The following MDGA2 variants were observed in gnomAD, a reference collection of about 807,000 sequenced individuals.
MDGA2 encodes the protein MAM domain-containing glycosylphosphatidylinositol anchor protein 2.
In MDGA2, 40 loss-of-function variants were observed where a neutral mutation model predicts 117.8. The observed-to-expected ratio is 0.34, with a 90% CI of 0.26 to 0.44. The LOEUF is 0.44. Ranked by LOEUF, MDGA2 falls within the 20% of genes least tolerant of loss-of-function variation. The pLI is 1.00. For missense variants in MDGA2, 1,123 were observed against 1,250.6 expected (o/e 0.90, Z 1.54); for synonymous variants, 452 against 439.0 (o/e 1.03, Z -0.37).
At chr14:47,221,352 T>C (rs2139524920) in intron 2 of MDGA2, among the ~76,000 whole-genome samples, 1 of 152,094 alleles carries the variant, frequency 6.6e-6, no homozygotes, top group South Asian at 2.1e-4. Flanking sequence ...AAATGTCAAT[T>C]AAAGTATCAC....
intron 1 of MDGA2, among the ~76,000 whole-genome samples, chr14:47,313,885 T>C (rs1438083476): frequency 6.6e-6 from 1 of 152,118 alleles, no homozygotes; most frequent in South Asian, 2.1e-4. Context: ...AAAAAATTAC[T>C]GTAAGACGAC....
intron 6 of MDGA2, among the ~76,000 whole-genome samples, chr14:47,065,798 G>T (rs969113800): frequency 6.6e-5 from 10 of 152,146 alleles, no homozygotes; most frequent in African/African-American, 2.4e-4. Context: ...TCAGAAGAAT[G>T]TAAGATACAG....
intron 4 of MDGA2, among the ~76,000 whole-genome samples, chr14:47,139,303 T>C (rs1882601168): frequency 6.6e-6 from 1 of 152,122 alleles, no homozygotes; most frequent in African/African-American, 2.4e-5. Context: ...CAGATACTCT[T>C]TGGAGACATT....
chr14:47,304,094 G>C (rs1889366143), intron 1 of MDGA2, among the ~76,000 whole-genome samples: 1 of 152,064 alleles, frequency 6.6e-6, no homozygotes, highest in African/African-American at 2.4e-5. Flanking sequence ...TTTTAAGTGT[G>C]GAAGTTGTCT....
At chr14:46,929,599 G>GTATATATA (rs1332389893) in intron 9 of MDGA2, among the ~76,000 whole-genome samples, 8 of 15,254 alleles carry the variant, frequency 5.2e-4, no homozygotes, top group East Asian at 1.4e-3. Context: ...GTGTGTGTGT[G>GTATATATA]TGTATATATA....
At chr14:47,526,506 C>G (rs1436459976) in intron 1 of MDGA2, among the ~76,000 whole-genome samples, 1 of 152,128 alleles carries the variant, frequency 6.6e-6, no homozygotes, top group African/African-American at 2.4e-5. Flanking sequence ...GACCACTCCA[C>G]TTTCCTAGGC....
intron 1 of MDGA2, among the ~76,000 whole-genome samples, chr14:47,305,698 G>T (rs901139186): frequency 4.6e-5 from 7 of 152,120 alleles, no homozygotes; most frequent in African/African-American, 1.7e-4. Context: ...CTGTGCTGGG[G>T]ATATGATGAT....
chr14:47,025,636 G>C (rs1026643601), intron 8 of MDGA2, among the ~76,000 whole-genome samples: 1 of 150,576 alleles, frequency 6.6e-6, no homozygotes, highest in South Asian at 2.1e-4. Flanking sequence ...CATATTACTG[G>C]AATCTAAAGA....
intron 5 of MDGA2, among the ~76,000 whole-genome samples, chr14:47,107,379 T>C (rs980447024): frequency 2.0e-5 from 3 of 152,122 alleles, no homozygotes; most frequent in Non-Finnish European, 2.9e-5. Context: ...CAAACCCATA[T>C]ACTCTCCTAT....
intron 1 of MDGA2, among the ~76,000 whole-genome samples, chr14:47,512,121 A>G (rs1276555965): frequency 6.6e-6 from 1 of 152,166 alleles, no homozygotes; most frequent in Non-Finnish European, 1.5e-5. Context: ...AAAACTGCCC[A>G]TTGAACACCA....
chr14:47,207,216 T>G (rs976313163), intron 3 of MDGA2, among the ~76,000 whole-genome samples: 1 of 151,790 alleles, frequency 6.6e-6, no homozygotes. Flanking sequence ...AGAAGCATGA[T>G]AGAGGATGGG....
At chr14:47,234,654 G>C (rs910253602) in intron 2 of MDGA2, among the ~76,000 whole-genome samples, 2 of 151,944 alleles carry the variant, frequency 1.3e-5, no homozygotes, top group Non-Finnish European at 2.9e-5. Context: ...ATTCCAAGAC[G>C]CTACTGTGGC....
At chr14:47,129,551 T>C (rs1424880092) in intron 5 of MDGA2, among the ~76,000 whole-genome samples, 2 of 148,132 alleles carry the variant, frequency 1.4e-5, no homozygotes, top group African/African-American at 5.0e-5. Context: ...GCAATAAACA[T>C]ACGTGTGCAT....
At chr14:46,975,029 T>C (rs1184651288) in intron 8 of MDGA2, among the ~76,000 whole-genome samples, 1 of 151,832 alleles carries the variant, frequency 6.6e-6, no homozygotes, top group Admixed American at 6.6e-5. Flanking sequence ...AATTCAAAAA[T>C]GGGCAAAGAA....
chr14:47,153,069 T>C (rs1883225102), intron 3 of MDGA2, among the ~76,000 whole-genome samples: 1 of 152,122 alleles, frequency 6.6e-6, no homozygotes, highest in Non-Finnish European at 1.5e-5. Context: ...GGTATGATGT[T>C]TGAGAAACAA....
chr14:47,211,062 T>G (rs922104659), intron 3 of MDGA2, among the ~76,000 whole-genome samples: 4 of 152,200 alleles, frequency 2.6e-5, no homozygotes, highest in African/African-American at 9.7e-5. Context: ...ATCATTCATA[T>G]GGTAAAAACA....
At chr14:47,004,252 G>A (rs1887633748) in intron 8 of MDGA2, among the ~76,000 whole-genome samples, 1 of 151,820 alleles carries the variant, frequency 6.6e-6, no homozygotes, top group Non-Finnish European at 1.5e-5. Flanking sequence ...GTCAACTTTT[G>A]TATATAGATC....
At chr14:46,956,541 G>T (rs911946096) in intron 9 of MDGA2, among the ~76,000 whole-genome samples, 1 of 151,406 alleles carries the variant, frequency 6.6e-6, no homozygotes, top group African/African-American at 2.4e-5. Context: ...ACCATATATT[G>T]CCAGGTAGTA....
intron 8 of MDGA2, among the ~76,000 whole-genome samples, chr14:46,985,748 A>T (rs1886836454): frequency 6.6e-6 from 1 of 152,100 alleles, no homozygotes; most frequent in South Asian, 2.1e-4. Flanking sequence ...CTGATCATGA[A>T]AATAACACAA....
Sources: gnomAD v4.1 joint callset for allele counts (sites outside exome capture counted in the v4.1 genomes callset) on GRCh38, gnomAD v4.1.1 for gene constraint, MANE v1.5 for transcripts, NCBI Gene and HGNC (gene_info 2026-07-23, HGNC 2026-07-21) for gene names.